The following CDC14C variants were observed in gnomAD, a reference collection of about 807,000 sequenced individuals.
The protein encoded by CDC14C is dual specificity protein phosphatase CDC14C.
In CDC14C, 19 loss-of-function variants were observed where a neutral mutation model predicts 26.9. The observed-to-expected ratio is 0.71, with a 90% CI of 0.49 to 1.04. The LOEUF is 1.04. Ranked by LOEUF, CDC14C falls within the 50% of genes least tolerant of loss-of-function variation. The pLI, the probability that CDC14C is intolerant of heterozygous loss-of-function variation, is 0.00. For missense variants in CDC14C, 423 were observed against 520.0 expected (o/e 0.81, Z 1.81); for synonymous variants, 185 against 180.1 (o/e 1.03, Z -0.22).
At position 48,927,042 on chromosome 7, in the gene CDC14C, G is replaced by A. The variant is rs1263563246; in HGVS notation, c.*1026G>A. The stretch of plus-strand genomic sequence containing the variant: ...TTTTCTGTTCAGCTTGTGACCCTGT[G>A]TCAAAATTTGTAAAGATACAAAAGG... On this transcript the variant is annotated 3_prime_UTR_variant, in exon 1 of 1. Coordinates refer to ENST00000650262, the MANE Select transcript of CDC14C (RefSeq NM_152627.3). Among the ~76,000 whole-genome samples, 1 of 152,240 alleles carries A rather than the reference G, an allele frequency of 6.6e-6. No individual in the cohort carries two copies. Among genetic ancestry groups the A allele is most frequent in the East Asian group, 1.9e-4 (1 of 5,180 alleles).
Position 48,926,266 on chromosome 7 carries a change from A to G in CDC14C, c.*250A>G, listed in dbSNP as rs1216518148. On this transcript the variant is annotated 3_prime_UTR_variant, in exon 1 of 1. Coordinates refer to ENST00000650262, the MANE Select transcript of CDC14C (RefSeq NM_152627.3). ...AAATGTCCACGGGGTTTCAGTAATG[A>G]ACTTTTGAGTTTGGGTGCAAGCAAA... is the stretch of plus-strand genomic sequence containing the variant. 7.8e-6 allele frequency among the ~76,000 whole-genome samples: 1 copy of G among 128,938 alleles called. No homozygotes were observed. Among genetic ancestry groups the G allele is most frequent in the African/African-American group, 2.8e-5 (1 of 35,222 alleles). 84.6% of individuals were successfully genotyped at this position (128,938 alleles called of 152,430 possible).
In CDC14C at chr7:48,925,302, C is replaced by T; in HGVS notation, c.630C>T (p.Tyr210=). ...CAAGAGCCAGACTTGAAAGTGGTTA[C>T]CACCAACATTCTCCCGAGACTTATA... ...PHSRARLESG[Y]HQHSPETYIQ... Residue 210 remains tyrosine (Y), a synonymous_variant, in exon 1 of 1, where the codon TAC becomes TAT. Transcript: ENST00000650262. 2.5e-6 allele frequency: 4 copies of T among 1,601,968 alleles called. No homozygotes were observed. Among genetic ancestry groups the T allele is most frequent in the Non-Finnish European group, 3.4e-6 (4 of 1,168,896 alleles).
In CDC14C at chr7:48,925,981, G is replaced by T; in HGVS notation, c.1309G>T (p.Val437Phe). The change falls in exon 1 of 1, where the codon GTT (valine) becomes TTT (phenylalanine). Residue 437 changes from valine to phenylalanine, a missense_variant. Coordinates refer to ENST00000650262, the MANE Select transcript of CDC14C (RefSeq NM_152627.3). Reference protein sequence around the residue: ...TLCSVVIWWIVCDYILPILLF With the variant: ...TLCSVVIWWIFCDYILPILLF ...GTGTAGTGTTGTCATCTGGTGGATT[G>T]TTTGTGACTACATTCTTCCCATCCT... The T allele has an allele frequency of 1.3e-6, 1 of 753,560 alleles. No individual in the cohort carries two copies. Among genetic ancestry groups the T allele is most frequent in the Non-Finnish European group, 2.5e-6 (1 of 403,776 alleles). The allele number at this position is 753,560 out of a possible 1,614,324, so 46.7% of individuals were successfully genotyped here.
chr7:48,925,788 A>G lies in CDC14C; in HGVS notation c.1116A>G (p.Ile372Met). Residue 372 changes from isoleucine to methionine, a missense_variant, in exon 1 of 1, where the codon ATA (isoleucine) becomes ATG (methionine). Transcript: ENST00000650262. ...KLLSGVDDISINGVENQDQQE... is the reference protein window; with the variant it reads ...KLLSGVDDISMNGVENQDQQE... The stretch of plus-strand genomic sequence containing the variant: ...TCTCTGGTGTTGATGACATTTCCAT[A>G]AATGGGGTCGAGAATCAAGACCAGC... The G allele has an allele frequency of 1.1e-6, 1 of 916,570 alleles. No homozygotes were observed. The highest frequency in any genetic ancestry group is 1.8e-6 in the Non-Finnish European group (1 of 542,322). The allele number at this position is 916,570 out of a possible 1,614,324, so 56.8% of individuals were successfully genotyped here. A position where few individuals can be genotyped will look rare whatever the true frequency, so the allele number is the denominator to read the frequency against.
At position 48,924,706 on chromosome 7, in the gene CDC14C, C is replaced by T. The variant is rs401292; in HGVS notation, c.34C>T (p.Arg12Trp). ...RSSTLQDPRR[R>W]DPQDDVYVDI... Reference sequence around the variant, plus strand: ...CTCCACGCTGCAGGACCCGCGCCGCCGGGACCCCCAGGACGACGTGTACGT... The same window carrying T: ...CTCCACGCTGCAGGACCCGCGCCGCTGGGACCCCCAGGACGACGTGTACGT... Residue 12 changes from arginine (R) to tryptophan (W), a missense_variant, in exon 1 of 1, where the codon CGG (arginine) becomes TGG (tryptophan). By Grantham distance (101) the Arg-to-Trp change is moderately radical (BLOSUM62 -3). Transcript: ENST00000650262. The T allele has an allele frequency of 1.0e-4, 131 of 1,261,310 alleles. No individual in the cohort carries two copies. Among genetic ancestry groups the T allele is most frequent in the East Asian group, 9.0e-4 (39 of 43,192 alleles). The allele number at this position is 1,261,310 out of a possible 1,614,324, so 78.1% of individuals were successfully genotyped here. A position where few individuals can be genotyped will look rare whatever the true frequency, so the allele number is the denominator to read the frequency against.
Position 48,925,855 on chromosome 7 carries a change from G to C in CDC14C, c.1183G>C (p.Val395Leu), listed in dbSNP as rs1798878284. Residue 395 changes from valine to leucine, a missense_variant, in exon 1 of 1, where the codon GTG becomes CTG. Val to Leu is a conservative substitution (Grantham distance 32). Transcript: ENST00000650262. ...CAGTGATGACGACGAAATCAATGGA[G>C]TGACACAAGGTGATAGAAGTCGGGC... is the stretch of plus-strand genomic sequence containing the variant. ...PYSDDDEING[V>L]TQGDRSRALK... is the part of the protein sequence containing the mutation. The C allele has an allele frequency of 2.5e-6, 2 of 800,864 alleles. No homozygotes were observed. Among genetic ancestry groups the C allele is most frequent in the Non-Finnish European group, 4.6e-6 (2 of 439,338 alleles). 49.6% of individuals were successfully genotyped at this position (800,864 alleles called of 1,614,324 possible). A position where few individuals can be genotyped will look rare whatever the true frequency, so the allele number is the denominator to read the frequency against.
rs754596235 is a variant in CDC14C, at chr7:48,925,466, T to C, written c.794T>C (p.Ile265Thr). The C allele has an allele frequency of 3.6e-5, 58 of 1,609,062 alleles. No individual in the cohort carries two copies. In the Middle Eastern group the frequency reaches 1.3e-3, roughly 37 times the overall value. The change falls in exon 1 of 1, where the codon ATT (isoleucine) becomes ACT (threonine). Residue 265 changes from isoleucine to threonine, a missense_variant. Ile to Thr is a moderately conservative substitution (Grantham distance 89). Around this residue, in one of 3 missense-constraint regions of CDC14C, gnomAD observed 310 missense variants for 356.8 expected, o/e 0.87. Coordinates refer to ENST00000650262, the MANE Select transcript of CDC14C (RefSeq NM_152627.3). ...FADGSTPTDAIVKRFLDICEN... is the reference protein window; with the variant it reads ...FADGSTPTDATVKRFLDICEN... Reference sequence around the variant, plus strand: ...GATGGCAGCACCCCTACTGATGCCATTGTCAAAAGATTTCTGGATATCTGT... The same window carrying C: ...GATGGCAGCACCCCTACTGATGCCACTGTCAAAAGATTTCTGGATATCTGT...
chr7:48,925,242 A>G lies in CDC14C; in HGVS notation c.570A>G (p.Ile190Met). Residue 190 changes from isoleucine (I) to methionine (M), a missense_variant, in exon 1 of 1, where the codon ATA becomes ATG. Physicochemically the swap from Ile to Met is conservative, Grantham distance 10. This residue lies in a region of CDC14C where 310 missense variants were observed against 356.8 expected (regional missense o/e 0.87). Coordinates refer to ENST00000650262, the MANE Select transcript of CDC14C (RefSeq NM_152627.3). ...AAAACGGAGATTTAAATTGGATAAT[A>G]CCAGACCGATTTATTGCCTTCTGTG... Reference protein sequence around the residue: ...KAENGDLNWIIPDRFIAFCGP... With the variant: ...KAENGDLNWIMPDRFIAFCGP... The G allele has an allele frequency of 1.2e-6, 2 of 1,607,648 alleles. No homozygotes were observed. The highest frequency in any genetic ancestry group is 1.7e-6 in the Non-Finnish European group (2 of 1,174,020).
rs529243968 is a variant in CDC14C, at chr7:48,925,370, T to A, written c.698T>A (p.Leu233Gln). ...KNHNVTTIIR[L>Q]NKRMYDAKRF... ...CACAATGTTACTACCATTATTCGTCTGAATAAAAGGATGTATGATGCCAAA... is the reference window on the plus strand; with the variant it reads ...CACAATGTTACTACCATTATTCGTCAGAATAAAAGGATGTATGATGCCAAA... Residue 233 changes from leucine to glutamine, a missense_variant, in exon 1 of 1, where the codon CTG becomes CAG. Physicochemically the swap from Leu to Gln is moderately radical, Grantham distance 113. Coordinates refer to ENST00000650262, the MANE Select transcript of CDC14C (RefSeq NM_152627.3). The A allele has an allele frequency of 8.7e-6, 14 of 1,609,990 alleles. No individual in the cohort carries two copies. The South Asian group carries it at 1.5e-4, about 18-fold the overall frequency.
rs1482972212 is a variant in CDC14C at position 48,926,065 on chromosome 7, C to G, written c.*49C>G. 1.4e-6 allele frequency: 1 copy of G among 729,276 alleles called. No homozygotes were observed. The highest frequency in any genetic ancestry group is 2.6e-6 in the Non-Finnish European group (1 of 390,198). The allele number at this position is 729,276 out of a possible 1,614,324, so 45.2% of individuals were successfully genotyped here. ...GCCATCAGGACCCCCTGACAGATAGCTGCTTCTCTCCATTTCAAGGACTAA... is the reference window on the plus strand; with the variant it reads ...GCCATCAGGACCCCCTGACAGATAGGTGCTTCTCTCCATTTCAAGGACTAA... On this transcript the variant is annotated 3_prime_UTR_variant, in exon 1 of 1. Coordinates refer to ENST00000650262, the MANE Select transcript of CDC14C (RefSeq NM_152627.3).
In CDC14C at chr7:48,924,630, C is replaced by T. The variant is rs372712735; in HGVS notation, c.-43C>T. The T allele has an allele frequency of 2.0e-6, 2 of 1,024,306 alleles. No homozygotes were observed. The highest frequency in any genetic ancestry group is 2.4e-5 in the East Asian group (1 of 42,074). The allele number at this position is 1,024,306 out of a possible 1,614,324, so 63.5% of individuals were successfully genotyped here. A position where few individuals can be genotyped will look rare whatever the true frequency, so the allele number is the denominator to read the frequency against. On this transcript the variant is annotated 5_prime_UTR_variant, in exon 1 of 1. Transcript: ENST00000650262. ...GGTCGAGCTGGGCCGCCGCGCCCCA[C>T]TGCTCGCCGCGCTGCTCTTTGACCT...
Position 48,926,441 on chromosome 7 carries a change from A to C in CDC14C, c.*425A>C, listed in dbSNP as rs1435016510. The stretch of plus-strand genomic sequence containing the variant: ...GAGCCCCGAACAGAGATTTACCCAC[A>C]TATTGATTAACAGCAAACAAGTCAT... On this transcript the variant is annotated 3_prime_UTR_variant, in exon 1 of 1. Coordinates refer to ENST00000650262, the MANE Select transcript of CDC14C (RefSeq NM_152627.3). Among the ~76,000 whole-genome samples, 2 of 151,852 alleles carry C rather than the reference A, an allele frequency of 1.3e-5. No individual in the cohort carries two copies. Among genetic ancestry groups the C allele is most frequent in the Non-Finnish European group, 2.9e-5 (2 of 67,994 alleles).
rs1187431699 is a variant in CDC14C at position 48,925,803 on chromosome 7, TC to T, written c.1132del (p.Gln378LysfsTer18). ...DDISINGVEN[Q>X]DQQEPKPYSD... is the part of the protein sequence containing the mutation. ...ACATTTCCATAAATGGGGTCGAGAA[TC>T]AAGACCAGCAAGAACCCAAACCTTA... On this transcript the variant is annotated frameshift_variant, in exon 1 of 1. Coordinates refer to ENST00000650262, the MANE Select transcript of CDC14C (RefSeq NM_152627.3). LOFTEE classifies it high-confidence loss of function. The T allele has an allele frequency of 2.3e-6, 2 of 877,896 alleles. No individual in the cohort carries two copies. The highest frequency in any genetic ancestry group is 3.9e-6 in the Non-Finnish European group (2 of 507,268). The allele number at this position is 877,896 out of a possible 1,614,324, so 54.4% of individuals were successfully genotyped here. A position where few individuals can be genotyped will look rare whatever the true frequency, so the allele number is the denominator to read the frequency against.
In CDC14C at chr7:48,927,353, C is replaced by A. The variant is rs1252404576; in HGVS notation, c.*1337C>A. On this transcript the variant is annotated 3_prime_UTR_variant, in exon 1 of 1. Coordinates refer to ENST00000650262, the MANE Select transcript of CDC14C (RefSeq NM_152627.3). ...CTGACTTCAGAGCTGGAAGATGTTG[C>A]AAGTCATTCCTTTTTCTGTCCTTTA... is the stretch of plus-strand genomic sequence containing the variant. Among the ~76,000 whole-genome samples, 3 of 152,128 alleles carry A rather than the reference C, an allele frequency of 2.0e-5. No homozygotes were observed. The highest frequency in any genetic ancestry group is 4.4e-5 in the Non-Finnish European group (3 of 68,030).
At position 48,925,632 on chromosome 7, in the gene CDC14C, C is replaced by G. The variant is rs1456508741; in HGVS notation, c.960C>G (p.Gly320=). The G allele has an allele frequency of 6.4e-6, 10 of 1,565,768 alleles. No homozygotes were observed. The highest frequency in any genetic ancestry group is 8.8e-6 in the Non-Finnish European group (10 of 1,135,944). ...CGTGGGTAAGGATCTGCAGACCTGGCTTGGTGATCGGGCCTCAGCAGCAGT... is the reference window on the plus strand; with the variant it reads ...CGTGGGTAAGGATCTGCAGACCTGGGTTGGTGATCGGGCCTCAGCAGCAGT... The part of the protein sequence containing the change: ...TIAWVRICRP[G]LVIGPQQQFL... Residue 320 remains glycine (G), a synonymous_variant, in exon 1 of 1, where the codon GGC becomes GGG. Transcript: ENST00000650262.
rs777433351 is a variant in CDC14C, at chr7:48,924,840, C to T, written c.168C>T (p.Ser56=). Residue 56 remains serine, a synonymous_variant, in exon 1 of 1, where the codon TCC becomes TCT. Coordinates refer to ENST00000650262, the MANE Select transcript of CDC14C (RefSeq NM_152627.3). The stretch of plus-strand genomic sequence containing the variant: ...ATGAACTCGAATATGAGAACTTCTC[C>T]GAAGACTTTGGACCACTCAATCTGG... ...IDNELEYENF[S]EDFGPLNLAM... 1.0e-5 allele frequency: 14 copies of T among 1,373,606 alleles called. No homozygotes were observed. The highest frequency in any genetic ancestry group is 4.3e-5 in the African/African-American group (3 of 70,082). 85.1% of individuals were successfully genotyped at this position (1,373,606 alleles called of 1,614,324 possible).
Position 48,925,223 on chromosome 7 carries a change from G to T in CDC14C, c.551G>T (p.Gly184Val), listed in dbSNP as rs1217735038. 2 of 1,601,584 alleles carry T rather than the reference G, an allele frequency of 1.2e-6. No individual in the cohort carries two copies. Among genetic ancestry groups the T allele is most frequent in the Non-Finnish European group, 1.7e-6 (2 of 1,168,554 alleles). The change falls in exon 1 of 1, where the codon GGA (glycine) becomes GTA (valine). Residue 184 changes from glycine to valine, a missense_variant. This residue lies in a region of CDC14C where 310 missense variants were observed against 356.8 expected (regional missense o/e 0.87). Transcript: ENST00000650262. ...GAACACTATGAAAAAGCAGAAAACG[G>T]AGATTTAAATTGGATAATACCAGAC... The part of the protein sequence containing the change: ...EYEHYEKAEN[G>V]DLNWIIPDRF...
rs1170384484 is a variant in CDC14C, at chr7:48,924,591, GA to G, written c.-78del. 8.4e-5 allele frequency: 69 copies of G among 823,788 alleles called. No homozygotes were observed. Among genetic ancestry groups the G allele is most frequent in the Non-Finnish European group, 8.1e-5 (43 of 527,970 alleles). 51.0% of individuals were successfully genotyped at this position (823,788 alleles called of 1,614,324 possible). The stretch of plus-strand genomic sequence containing the variant: ...TGGCCGCGGCGGCCTCCAGGAAGCG[GA>G]AAAGCAAGGGGCGGTCGAGCTGGGC... On this transcript the variant is annotated 5_prime_UTR_variant, in exon 1 of 1. Coordinates refer to ENST00000650262, the MANE Select transcript of CDC14C (RefSeq NM_152627.3).
In CDC14C at chr7:48,924,721, G is replaced by C. The variant is rs754504019; in HGVS notation, c.49G>C (p.Asp17His). ...CCCGCGCCGCCGGGACCCCCAGGACGACGTGTACGTGGACATCACCGATCG... is the reference window on the plus strand; with the variant it reads ...CCCGCGCCGCCGGGACCCCCAGGACCACGTGTACGTGGACATCACCGATCG... ...QDPRRRDPQD[D>H]VYVDITDRLR... Residue 17 changes from aspartate to histidine, a missense_variant, in exon 1 of 1, where the codon GAC becomes CAC. Around this residue, in one of 3 missense-constraint regions of CDC14C, gnomAD observed 310 missense variants for 356.8 expected, o/e 0.87. Coordinates refer to ENST00000650262, the MANE Select transcript of CDC14C (RefSeq NM_152627.3). The C allele has an allele frequency of 1.0e-5, 14 of 1,341,906 alleles. No individual in the cohort carries two copies. The highest frequency in any genetic ancestry group is 1.4e-5 in the African/African-American group (1 of 69,386). 83.1% of individuals were successfully genotyped at this position (1,341,906 alleles called of 1,614,324 possible). A position where few individuals can be genotyped will look rare whatever the true frequency, so the allele number is the denominator to read the frequency against.
Sources: allele counts gnomAD v4.1 joint callset (sites outside exome capture counted in the v4.1 genomes callset), GRCh38; gene constraint gnomAD v4.1.1; regional missense constraint gnomAD v4.1.1; transcripts MANE v1.5; gene names NCBI Gene and HGNC (gene_info 2026-07-23, HGNC 2026-07-21).